The following PDLIM5 variants were observed in gnomAD, a reference collection of about 807,000 sequenced individuals.
PDLIM5 encodes the protein PDZ and LIM domain 5, also known as PDZ and LIM domain protein 5.
Under a neutral mutation model 64.2 loss-of-function variants are expected in PDLIM5, and 34 were observed. That is an observed-to-expected ratio of 0.53 (90% confidence interval 0.40 to 0.71). The LOEUF (loss-of-function observed/expected upper bound fraction) is 0.71, where lower values mean the gene tolerates loss of function less well. PDLIM5 is among the 30% of genes least tolerant of loss of function. PDLIM5 has a pLI of 0.00. For missense variants in PDLIM5, 683 were observed against 733.6 expected, an observed-to-expected ratio of 0.93 and a Z score of 0.80; for synonymous variants, 253 against 269.1, an observed-to-expected ratio of 0.94 and a Z score of 0.59.
intron 2 of PDLIM5, among the ~76,000 whole-genome samples, chr4:94,468,935 TG>T (rs1009275811): frequency 1.3e-5 from 2 of 152,144 alleles, no homozygotes; most frequent in African/African-American, 4.8e-5. Flanking sequence ...ACATGGCACA[TG>T]ATATGAAATG....
chr4:94,469,804 A>G (rs1197701800), intron 2 of PDLIM5, among the ~76,000 whole-genome samples: 6 of 152,144 alleles, frequency 3.9e-5, no homozygotes, highest in Admixed American at 2.6e-4. Flanking sequence ...GAGCAAAGGA[A>G]TAACTGTATA....
chr4:94,663,642 T>C (rs1578570726), intron 12 of PDLIM5, among the ~76,000 whole-genome samples: 7 of 152,312 alleles, frequency 4.6e-5, no homozygotes, highest in Admixed American at 4.6e-4. Context: ...ACGTTGTTTA[T>C]AATTTGGGGA....
intron 3 of PDLIM5, among the ~76,000 whole-genome samples, chr4:94,563,958 C>CTTTTTTTTTTTTTTTTTTTTTTTCTTT (rs796820308): frequency 8.4e-6 from 1 of 119,360 alleles, no homozygotes; most frequent in African/African-American, 3.2e-5. Flanking sequence ...TTCTTTCTTT[C>CTTTTTTTTTTTTTTTTTTTTTTTCTTT]TTTTTTTTTT....
At chr4:94,604,930 T>G (rs1332424692) in intron 7 of PDLIM5, among the ~76,000 whole-genome samples, 1 of 152,202 alleles carries the variant, frequency 6.6e-6, no homozygotes, top group East Asian at 1.9e-4. Context: ...ATCAGTGACC[T>G]TAGCAAGATG....
chr4:94,540,608 A>G (rs982480012), intron 3 of PDLIM5, among the ~76,000 whole-genome samples: 1 of 152,140 alleles, frequency 6.6e-6, no homozygotes, highest in Admixed American at 6.5e-5. Context: ...GGGCACTAGG[A>G]GAGAATTGGG....
chr4:94,521,586 G>A (rs535708849), intron 2 of PDLIM5, among the ~76,000 whole-genome samples: 4 of 150,518 alleles, frequency 2.7e-5, no homozygotes, highest in African/African-American at 4.9e-5. Context: ...GATTTTGAAC[G>A]TCTTGAGATG....
At chr4:94,465,947 T>C (rs1266821118) in intron 2 of PDLIM5, among the ~76,000 whole-genome samples, 1 of 152,046 alleles carries the variant, frequency 6.6e-6, no homozygotes, top group African/African-American at 2.4e-5. Flanking sequence ...TGTGTGTGTG[T>C]GTCTGTTTCT....
intron 7 of PDLIM5, among the ~76,000 whole-genome samples, chr4:94,606,100 A>G (rs1737894768): frequency 6.6e-6 from 1 of 152,182 alleles, no homozygotes; most frequent in Non-Finnish European, 1.5e-5. Context: ...ATTTACAAAT[A>G]TTGTGAATTC....
intron 3 of PDLIM5, among the ~76,000 whole-genome samples, chr4:94,548,892 T>C (rs1732552142): frequency 6.6e-6 from 1 of 152,162 alleles, no homozygotes; most frequent in African/African-American, 2.4e-5. Context: ...AATAAATACC[T>C]GACTCACAAG....
intron 2 of PDLIM5, among the ~76,000 whole-genome samples, chr4:94,504,154 TC>T (rs1728175936): frequency 6.6e-6 from 1 of 152,210 alleles, no homozygotes; most frequent in African/African-American, 2.4e-5. Flanking sequence ...GTAATATAAA[TC>T]CAGGTTCCTA....
intron 8 of PDLIM5, among the ~76,000 whole-genome samples, chr4:94,621,159 T>C (rs1739211203): frequency 6.6e-6 from 1 of 151,768 alleles, no homozygotes; most frequent in Non-Finnish European, 1.5e-5. Flanking sequence ...GTTAGACTAT[T>C]TTAGAGGAAA....
At chr4:94,586,471 G>C in intron 7 of PDLIM5, 27 bp downstream of exon 7, 1 of 1,407,414 alleles carries the variant, frequency 7.1e-7, no homozygotes, top group Non-Finnish European at 1.0e-6. Flanking sequence ...TTTGACAATT[G>C]AATGTTTTCC....
At chr4:94,581,538 A>G (rs924019476) in intron 5 of PDLIM5, among the ~76,000 whole-genome samples, 15 of 152,152 alleles carry the variant, frequency 9.9e-5, no homozygotes, top group Admixed American at 6.6e-4. Flanking sequence ...CAAACTATTG[A>G]GATCAACTTA....
chr4:94,634,304 A>G lies in PDLIM5; in HGVS notation c.1109-5972A>G, dbSNP rs144582298. Reference sequence around the variant, plus strand: ...ATGGTGGCTTGGACCAAGATGTACTATGGAGGTGGTGAGACATCATTATGT... The same window carrying G: ...ATGGTGGCTTGGACCAAGATGTACTGTGGAGGTGGTGAGACATCATTATGT... On this transcript the variant is annotated intron_variant, in intron 8 of 12. Coordinates refer to ENST00000317968, the MANE Select transcript of PDLIM5 (RefSeq NM_006457.5). Among the ~76,000 whole-genome samples the G allele has an allele frequency of 3.4e-3, 516 of 152,236 alleles. 4 individuals are homozygous for G. The highest frequency in any genetic ancestry group is 0.012 in the African/African-American group (492 of 41,530).
chr4:94,612,816 T>C (rs2047025), intron 7 of PDLIM5, among the ~76,000 whole-genome samples: 55,747 of 151,706 alleles, frequency 0.37, 12,227 homozygotes, highest in South Asian at 0.68. Context: ...ATAAAATGTG[T>C]CAGAGACATT....
At chr4:94,610,821 G>A (rs1738304389) in intron 7 of PDLIM5, among the ~76,000 whole-genome samples, 1 of 152,082 alleles carries the variant, frequency 6.6e-6, no homozygotes, top group African/African-American at 2.4e-5. Flanking sequence ...TCTAAATGAT[G>A]GCTTTGACCA....
chr4:94,539,661 A>G (rs1161574463), intron 3 of PDLIM5, among the ~76,000 whole-genome samples: 2 of 152,250 alleles, frequency 1.3e-5, no homozygotes, highest in African/African-American at 4.8e-5. Context: ...CAACTGGAAC[A>G]GAGAGAAAGG....
chr4:94,491,065 T>C (rs536765859), intron 2 of PDLIM5, among the ~76,000 whole-genome samples: 3 of 152,296 alleles, frequency 2.0e-5, no homozygotes, highest in Non-Finnish European at 4.4e-5. Flanking sequence ...TATGCTAGTG[T>C]GGACCTTGTT....
At chr4:94,641,858 T>C (rs1311186221) in intron 9 of PDLIM5, among the ~76,000 whole-genome samples, 1 of 152,202 alleles carries the variant, frequency 6.6e-6, no homozygotes, top group African/African-American at 2.4e-5. Flanking sequence ...AGGCATTCAG[T>C]AAATGTTTAA....
Sources: gnomAD v4.1 joint callset for allele counts (sites outside exome capture counted in the v4.1 genomes callset) on GRCh38, gnomAD v4.1.1 for gene constraint, MANE v1.5 for transcripts, NCBI Gene and HGNC (gene_info 2026-07-23, HGNC 2026-07-21) for gene names.